PDE1A: variants seen among roughly 807,000 people sequenced by gnomAD.
PDE1A encodes dual specificity calcium/calmodulin-dependent 3',5'-cyclic nucleotide phosphodiesterase 1A.
In PDE1A, 35 loss-of-function variants were observed where a neutral mutation model predicts 61.7. That is an observed-to-expected ratio of 0.57 (90% CI 0.43 to 0.75). PDE1A has a LOEUF of 0.75. PDE1A is among the 30% of genes least tolerant of loss of function. The pLI is 0.00. For missense variants in PDE1A, 597 were observed against 630.6 expected (o/e 0.95, Z 0.57); for synonymous variants, 232 against 213.2 (o/e 1.09, Z -0.77).
chr2:182,209,422 A>T (rs1010092095), intron 7 of PDE1A, among the ~76,000 whole-genome samples: 1 of 151,880 alleles, frequency 6.6e-6, no homozygotes, highest in African/African-American at 2.4e-5. Flanking sequence ...TCAACATGAG[A>T]TTTGGATGAG....
At chr2:182,494,869 T>C (rs1351435762) in intron 2 of PDE1A, among the ~76,000 whole-genome samples, 5 of 152,138 alleles carry the variant, frequency 3.3e-5, no homozygotes, top group Non-Finnish European at 7.3e-5. Context: ...GTTGGTTCCT[T>C]CTAGATGCTG....
rs75142663 is a variant in PDE1A, at chr2:182,262,083, T to C, written c.167+2218A>G. On this transcript the variant is annotated intron_variant, in intron 2 of 13. Coordinates refer to ENST00000351439, the Ensembl canonical transcript of PDE1A. ...TACTTAGAAGAATCATGTACATTCA[T>C]ACACATTCAGTGAACATTCACCAAG... Among the ~76,000 whole-genome samples the C allele has an allele frequency of 1.2e-4, 19 of 152,206 alleles. No homozygotes were observed. The East Asian group carries it at 3.5e-3, about 28-fold the overall frequency.
At chr2:182,447,421 T>C (rs1045936872) in intron 2 of PDE1A, among the ~76,000 whole-genome samples, 5 of 152,072 alleles carry the variant, frequency 3.3e-5, no homozygotes, top group Non-Finnish European at 5.9e-5. Flanking sequence ...ACCTTCCTGA[T>C]TACCAGCTCA....
intron 1 of PDE1A, among the ~76,000 whole-genome samples, chr2:182,390,111 C>T (rs1022972855): frequency 1.3e-5 from 2 of 152,090 alleles, no homozygotes; most frequent in Admixed American, 1.3e-4. Flanking sequence ...GTCGGTACTC[C>T]TTAATAAACT....
At chr2:182,644,028 C>T in the PDE1A span, among the ~76,000 whole-genome samples, 2 of 150,790 alleles carry the variant, frequency 1.3e-5, no homozygotes, top group Non-Finnish European at 3.0e-5. Flanking sequence ...TTTTAATTCC[C>T]AGAACACTAC....
rs913040997 is a variant in PDE1A, at chr2:182,167,904, G to C, written c.*343C>G. On this transcript the variant is annotated 3_prime_UTR_variant, in exon 14 of 14. Coordinates refer to ENST00000351439, the Ensembl canonical transcript of PDE1A. Reference sequence around the variant, plus strand: ...TCTAAGGTGAAAACAGGTGGACCAAGCTTTATTGTAGAAATGACAAAATTA... The same window carrying C: ...TCTAAGGTGAAAACAGGTGGACCAACCTTTATTGTAGAAATGACAAAATTA... 2.3e-5 allele frequency: 25 copies of C among 1,076,548 alleles called. No individual in the cohort carries two copies. In the African/African-American group the frequency reaches 4.1e-4, roughly 18 times the overall value. The allele number at this position is 1,076,548 out of a possible 1,614,324, so 66.7% of individuals were successfully genotyped here. A position where few individuals can be genotyped will look rare whatever the true frequency, so the allele number is the denominator to read the frequency against.
chr2:182,263,059 C>A (rs1379604942), intron 2 of PDE1A, among the ~76,000 whole-genome samples: 2 of 151,584 alleles, frequency 1.3e-5, no homozygotes, highest in Non-Finnish European at 2.9e-5. Context: ...GTTGCCCATC[C>A]AGTTTAACAT....
the PDE1A span, among the ~76,000 whole-genome samples, chr2:182,587,594 C>A: frequency 1.3e-5 from 2 of 152,146 alleles, no homozygotes; most frequent in Non-Finnish European, 2.9e-5. Context: ...AGAATTAGTT[C>A]TTTCAGAATA....
chr2:182,612,589 C>G, the PDE1A span, among the ~76,000 whole-genome samples: 3 of 152,180 alleles, frequency 2.0e-5, no homozygotes. Flanking sequence ...ACATGTATTT[C>G]ACTCCAATCT....
chr2:182,242,922 C>T (rs77251610), intron 2 of PDE1A, among the ~76,000 whole-genome samples: 2 of 42,432 alleles, frequency 4.7e-5, no homozygotes, highest in Admixed American at 4.4e-4. Flanking sequence ...CTCTCTCTCT[C>T]TCTCGTGTGT....
intron 1 of PDE1A, among the ~76,000 whole-genome samples, chr2:182,337,204 G>A (rs1386759946): frequency 6.6e-6 from 1 of 151,940 alleles, no homozygotes; most frequent in Non-Finnish European, 1.5e-5. Context: ...GGTAGGGAAA[G>A]GATTTGAACA....
chr2:182,332,438 G>A (rs1697477779), intron 1 of PDE1A, among the ~76,000 whole-genome samples: 2 of 152,142 alleles, frequency 1.3e-5, no homozygotes, highest in South Asian at 2.1e-4. Flanking sequence ...GAAGTTCTGG[G>A]TTTTGGGAAT....
intron 2 of PDE1A, among the ~76,000 whole-genome samples, chr2:182,485,759 T>C (rs1687981835): frequency 6.6e-6 from 1 of 152,072 alleles, no homozygotes; most frequent in African/African-American, 2.4e-5. Context: ...ATTGTCCTAA[T>C]AGATGCAGAA....
exon 14 of PDE1A, chr2:182,147,060 T>G: frequency 6.6e-7 from 1 of 1,515,812 alleles, no homozygotes; most frequent in Non-Finnish European, 9.1e-7. Context: ...ATGACAGAAG[T>G]CTTTAAGGTG....
At chr2:182,694,738 A>G in the PDE1A span, among the ~76,000 whole-genome samples, 10 of 151,702 alleles carry the variant, frequency 6.6e-5, no homozygotes, top group East Asian at 1.8e-3. Context: ...TGATGGAAGC[A>G]GACTCCTGAG....
intron 2 of PDE1A, among the ~76,000 whole-genome samples, chr2:182,241,496 A>C (rs759916380): frequency 3.9e-5 from 6 of 152,226 alleles, no homozygotes; most frequent in Non-Finnish European, 8.8e-5. Context: ...GGACAAAACA[A>C]AGGACAAAAA....
At chr2:182,654,148 T>C in the PDE1A span, among the ~76,000 whole-genome samples, 1 of 152,188 alleles carries the variant, frequency 6.6e-6, no homozygotes, top group African/African-American at 2.4e-5. Context: ...GATTGAAAAC[T>C]GCATTTGTTA....
chr2:182,359,365 T>A, intron 1 of PDE1A, among the ~76,000 whole-genome samples: 1 of 152,064 alleles, frequency 6.6e-6, no homozygotes, highest in East Asian at 1.9e-4. Flanking sequence ...CAGTAATAAA[T>A]CCCTCCATCC....
chr2:182,459,415 A>G (rs1686131496), intron 2 of PDE1A, among the ~76,000 whole-genome samples: 1 of 152,148 alleles, frequency 6.6e-6, no homozygotes, highest in South Asian at 2.1e-4. Flanking sequence ...CAAGCTTTAA[A>G]GTTCTCCCTT....
Sources: allele counts gnomAD v4.1 joint callset (sites outside exome capture counted in the v4.1 genomes callset), GRCh38; gene constraint gnomAD v4.1.1; transcripts MANE v1.5; gene names NCBI Gene and HGNC (gene_info 2026-07-23, HGNC 2026-07-21).